MORC1: variants seen among roughly 807,000 people sequenced by gnomAD.
MORC1 encodes the protein MORC family CW-type zinc finger 1.
A neutral mutation model predicts 134.9 loss-of-function variants in MORC1; 59 were observed. The observed-to-expected ratio is 0.44, with a 90% CI of 0.35 to 0.54. The LOEUF is 0.54. MORC1 is among the 20% of genes least tolerant of loss of function. The pLI is 0.00. For synonymous variants in MORC1, 395 were observed against 391.7 expected (o/e 1.01, Z -0.10); for missense variants, 947 against 1,134.5 (o/e 0.83, Z 2.37).
In MORC1 at chr3:109,021,142, T is replaced by C. The variant is rs75494008; in HGVS notation, c.1704+6609A>G. Reference sequence around the variant, plus strand: ...CGGAAGGAAGCCAAAGACTTGTATCTTACTCTGAGCACAGTCAGGGAACAG... The same window carrying C: ...CGGAAGGAAGCCAAAGACTTGTATCCTACTCTGAGCACAGTCAGGGAACAG... On this transcript the variant is annotated intron_variant, in intron 17 of 27. Transcript: ENST00000232603. Among the ~76,000 whole-genome samples, 102 of 152,214 alleles carry C rather than the reference T, an allele frequency of 6.7e-4. 4 individuals carry two copies. The East Asian group carries it at 0.017, about 25-fold the overall frequency.
chr3:108,966,402 T>G (rs775755979), intron 26 of MORC1, among the ~76,000 whole-genome samples: 12 of 152,136 alleles, frequency 7.9e-5, no homozygotes, highest in Non-Finnish European at 1.5e-4. Context: ...AACAGGAATA[T>G]TCATTTAAGT....
At chr3:109,009,212 T>G (rs1382389267) in intron 17 of MORC1, among the ~76,000 whole-genome samples, 9 of 147,840 alleles carry the variant, frequency 6.1e-5, no homozygotes, top group African/African-American at 1.5e-4. Context: ...TTGTTGTTTT[T>G]TTTTTTTTTT....
intron 27 of MORC1, among the ~76,000 whole-genome samples, chr3:108,960,100 G>A (rs1947041553): frequency 6.6e-6 from 1 of 152,210 alleles, no homozygotes; most frequent in African/African-American, 2.4e-5. Flanking sequence ...AAGAACAGAT[G>A]AGATGATGTT....
At chr3:109,059,962 G>T in intron 11 of MORC1, 92 bp from the exon 12 acceptor site, 4 of 1,033,930 alleles carry the variant, frequency 3.9e-6, no homozygotes, top group Non-Finnish European at 5.8e-6. Flanking sequence ...TGTTTCAAGG[G>T]TAACAATAGC....
intron 2 of MORC1, among the ~76,000 whole-genome samples, chr3:109,111,290 T>C (rs946465654): frequency 2.0e-5 from 3 of 152,158 alleles, no homozygotes; most frequent in African/African-American, 7.2e-5. Flanking sequence ...ATCAACTGTT[T>C]GTAAATAAAG....
At chr3:109,039,200 G>A (rs1241928347) in intron 14 of MORC1, among the ~76,000 whole-genome samples, 1 of 152,194 alleles carries the variant, frequency 6.6e-6, no homozygotes, top group Non-Finnish European at 1.5e-5. Flanking sequence ...ACAGGCGTGA[G>A]CCACCGTGCC....
chr3:109,111,621 G>A (rs751692034), intron 2 of MORC1, among the ~76,000 whole-genome samples: 144 of 152,150 alleles, frequency 9.5e-4, no homozygotes, highest in Non-Finnish European at 9.7e-4. Context: ...AATATCGAGG[G>A]TGTGAGAGAA....
chr3:108,985,761 T>C (rs1397176812), intron 22 of MORC1, among the ~76,000 whole-genome samples: 2 of 152,174 alleles, frequency 1.3e-5, no homozygotes, highest in African/African-American at 4.8e-5. Flanking sequence ...TAGGATAAAA[T>C]TGTATTAGCA....
At chr3:109,105,073 C>T (rs1185879298) in intron 3 of MORC1, among the ~76,000 whole-genome samples, 1 of 152,130 alleles carries the variant, frequency 6.6e-6, no homozygotes, top group Non-Finnish European at 1.5e-5. Context: ...TTTATTAAGT[C>T]AACTTCTCTG....
At position 109,035,446 on chromosome 3, in the gene MORC1, A is replaced by G; in HGVS notation, c.1353T>C (p.Phe451=). Reference sequence around the variant, plus strand: ...CATTCTGGTATCCAAATTCATTGCAAAACAATGTTAAATTTCTATTATCTT... The same window carrying G: ...CATTCTGGTATCCAAATTCATTGCAGAACAATGTTAAATTTCTATTATCTT... ...TGINNRNLTL[F]CNEFGYQNDI... is the part of the protein sequence containing the mutation. The change falls in exon 15 of 28, where the codon TTT becomes TTC. Residue 451 remains phenylalanine (F), a synonymous_variant. Coordinates refer to ENST00000232603, the MANE Select transcript of MORC1 (RefSeq NM_014429.4). 1 of 1,493,432 alleles carries G rather than the reference A, an allele frequency of 6.7e-7. No individual in the cohort carries two copies. The highest frequency in any genetic ancestry group is 9.1e-7 in the Non-Finnish European group (1 of 1,099,098). 92.5% of individuals were successfully genotyped at this position (1,493,432 alleles called of 1,614,324 possible).
At chr3:109,101,116 A>C (rs1045971751) in intron 4 of MORC1, among the ~76,000 whole-genome samples, 2 of 152,222 alleles carry the variant, frequency 1.3e-5, no homozygotes, top group Non-Finnish European at 2.9e-5. Flanking sequence ...TAATACTTAT[A>C]TCACGGTGTT....
rs148630097 is a variant in MORC1, at chr3:109,069,749, G to T, written c.698C>A (p.Ala233Glu). The change falls in exon 9 of 28, where the codon GCG (alanine) becomes GAG (glutamate). Residue 233 changes from alanine (A) to glutamate (E), a missense_variant. Around this residue, in one of 3 missense-constraint regions of MORC1, gnomAD observed 214 missense variants for 281.3 expected, o/e 0.76. Transcript: ENST00000232603. ...TGTGTAGGCTCTGAATGACCACCTCGCTGGGAAACTGAAATAGAAAATACA... is the reference window on the plus strand; with the variant it reads ...TGTGTAGGCTCTGAATGACCACCTCTCTGGGAAACTGAAATAGAAAATACA... Reference protein sequence around the residue: ...LMAGALEDFPARWSFRAYTSV... With the variant: ...LMAGALEDFPERWSFRAYTSV... 5.1e-5 allele frequency: 82 copies of T among 1,606,426 alleles called. No homozygotes were observed. Among genetic ancestry groups the T allele is most frequent in the African/African-American group, 4.0e-4 (30 of 74,858 alleles).
intron 21 of MORC1, among the ~76,000 whole-genome samples, chr3:108,997,101 T>G (rs1019159613): frequency 1.4e-5 from 2 of 148,062 alleles, no homozygotes; most frequent in African/African-American, 5.0e-5. Flanking sequence ...CAAATGAAGC[T>G]CCACACCACA....
intron 4 of MORC1, among the ~76,000 whole-genome samples, chr3:109,102,925 C>T (rs770389533): frequency 1.3e-5 from 2 of 152,180 alleles, no homozygotes; most frequent in Admixed American, 6.6e-5. Flanking sequence ...CAAAATTATC[C>T]GAAGTCAGAA....
At position 108,967,604 on chromosome 3, in the gene MORC1, ACAC is replaced by A. The variant is rs531007374; in HGVS notation, c.2604+2062_2604+2064del. On this transcript the variant is annotated intron_variant, in intron 26 of 27. Transcript: ENST00000232603. ...CTAGTAACTTAAAAATAATTTTTCT[ACAC>A]CAACAGGCTGAGAAGTTGTAATATA... 4.7e-3 allele frequency among the ~76,000 whole-genome samples: 712 copies of A among 152,304 alleles called. 8 individuals carry two copies. The highest frequency in any genetic ancestry group is 0.016 in the African/African-American group (682 of 41,566).
intron 17 of MORC1, among the ~76,000 whole-genome samples, chr3:109,017,497 C>T (rs765075893): frequency 2.6e-5 from 4 of 152,166 alleles, no homozygotes; most frequent in Non-Finnish European, 4.4e-5. Flanking sequence ...AGTTTTCCTT[C>T]TGGTTCTAAT....
intron 21 of MORC1, among the ~76,000 whole-genome samples, chr3:108,996,536 A>G (rs527894737): frequency 1.3e-5 from 2 of 152,314 alleles, no homozygotes; most frequent in Admixed American, 1.3e-4. Flanking sequence ...AAAACTCCTC[A>G]TTATTTTCCT....
rs1950190633 is a variant in MORC1 at position 109,066,141 on chromosome 3, A to AACCT, written c.816-2914_816-2911dup. Among the ~76,000 whole-genome samples, 4 of 152,248 alleles carry AACCT rather than the reference A, an allele frequency of 2.6e-5. No homozygotes were observed. The South Asian group carries it at 8.3e-4, about 32-fold the overall frequency. On this transcript the variant is annotated intron_variant, in intron 9 of 27. Transcript: ENST00000232603. Reference sequence around the variant, plus strand: ...CATCACACAATATACCCATGTAAAAAACCTGCACATGTACCTCCTGTATCT... The same window carrying AACCT: ...CATCACACAATATACCCATGTAAAAAACCTACCTGCACATGTACCTCCTGTATCT...
At chr3:109,106,010 C>T (rs1272352036) in intron 3 of MORC1, among the ~76,000 whole-genome samples, 1 of 152,242 alleles carries the variant, frequency 6.6e-6, no homozygotes, top group Non-Finnish European at 1.5e-5. Context: ...TATTTCCTCA[C>T]TGTTTAATGA....
Sources: gnomAD v4.1 joint callset for allele counts (sites outside exome capture counted in the v4.1 genomes callset) on GRCh38, gnomAD v4.1.1 for gene constraint, gnomAD v4.1.1 regional missense constraint, MANE v1.5 for transcripts, NCBI Gene and HGNC (gene_info 2026-07-23, HGNC 2026-07-21) for gene names.